NBPF26: variants seen among roughly 807,000 people sequenced by gnomAD.
NBPF26 encodes the protein NBPF family member NBPF26.
In NBPF26, 79 loss-of-function variants were observed where a neutral mutation model predicts 119.6. The observed-to-expected ratio is 0.66, with a 90% CI of 0.55 to 0.80. NBPF26 has a LOEUF of 0.80. NBPF26 is among the 30% of genes least tolerant of loss of function. The probability of loss-of-function intolerance (pLI) is 0.00; values close to 1 mark genes in which losing one functional copy is unlikely to be tolerated. For synonymous variants in NBPF26, 299 were observed against 457.7 expected (o/e 0.65, Z 4.43); for missense variants, 800 against 1,198.2 (o/e 0.67, Z 4.91).
Position 120,755,933 on chromosome 1 carries a change from CTTT to C in NBPF26, c.74-7675_74-7673del, listed in dbSNP as rs1168463033. ...AACAAAATCGATTTATCTCTTATTG[CTTT>C]TTTTTTTTTTTTTTTTTTTCCTTTC... On this transcript the variant is annotated intron_variant, in intron 1 of 29. Transcript: ENST00000620612. Among the ~76,000 whole-genome samples the C allele has an allele frequency of 8.0e-5, 7 of 87,300 alleles. 2 individuals carry two copies. The highest frequency in any genetic ancestry group is 4.6e-4 in the African/African-American group (6 of 13,118). The allele number at this position is 87,300 out of a possible 152,430, so 57.3% of individuals were successfully genotyped here.
rs1175961691 is a variant in NBPF26 at position 120,790,379 on chromosome 1, G to A, written c.416-2782G>A. 1.5e-4 allele frequency among the ~76,000 whole-genome samples: 17 copies of A among 114,372 alleles called. 4 individuals carry two copies. The Middle Eastern group carries it at 0.012, about 79-fold the overall frequency. 75.0% of individuals were successfully genotyped at this position (114,372 alleles called of 152,430 possible). A position where few individuals can be genotyped will look rare whatever the true frequency, so the allele number is the denominator to read the frequency against. Reference sequence around the variant, plus strand: ...CACTTTAGGAATCATCACAGATCAAGGTCATCCTTTTGGTTTTTGTGATAG... The same window carrying A: ...CACTTTAGGAATCATCACAGATCAAAGTCATCCTTTTGGTTTTTGTGATAG... On this transcript the variant is annotated intron_variant, in intron 3 of 29. Coordinates refer to ENST00000620612, the Ensembl canonical transcript of NBPF26.
Position 120,735,312 on chromosome 1 carries a change from G to A in NBPF26, c.73+11062G>A, listed in dbSNP as rs1412869200. On this transcript the variant is annotated intron_variant, in intron 1 of 29. Transcript: ENST00000620612. ...ACTCCTGACCTCAGTTGATCTGCCC[G>A]CCTCAGCCTCCCAAAGTGCTGGGAT... Among the ~76,000 whole-genome samples, 6 of 71,434 alleles carry A rather than the reference G, an allele frequency of 8.4e-5. 1 individual carries two copies. The highest frequency in any genetic ancestry group is 3.2e-4 in the East Asian group (1 of 3,112). 46.9% of individuals were successfully genotyped at this position (71,434 alleles called of 152,430 possible). A position where few individuals can be genotyped will look rare whatever the true frequency, so the allele number is the denominator to read the frequency against.
At position 120,763,722 on chromosome 1, in the gene NBPF26, C is replaced by T; in HGVS notation, c.155+13C>T. 1.7e-6 allele frequency: 2 copies of T among 1,195,574 alleles called. 1 individual carries two copies. Among genetic ancestry groups the T allele is most frequent in the South Asian group, 2.6e-5 (2 of 78,072 alleles). The allele number at this position is 1,195,574 out of a possible 1,614,324, so 74.1% of individuals were successfully genotyped here. On this transcript the variant is annotated intron_variant, in intron 2 of 29. Transcript: ENST00000620612. The stretch of plus-strand genomic sequence containing the variant: ...CAGGATACTGCAAGTAAGTTTTTCT[C>T]TTCATATATTTTCTTTTTGCGATAG...
rs1175489475 is a variant in NBPF26, at chr1:120,778,482, G to T, written c.156-6492G>T. Among the ~76,000 whole-genome samples, 4 of 104,066 alleles carry T rather than the reference G, an allele frequency of 3.8e-5. No individual in the cohort carries two copies. In the East Asian group the frequency reaches 9.1e-4, roughly 24 times the overall value. The allele number at this position is 104,066 out of a possible 152,430, so 68.3% of individuals were successfully genotyped here. On this transcript the variant is annotated intron_variant, in intron 2 of 29. Transcript: ENST00000620612. ...TCCCCTTCGTTCCACATTCTGTATA[G>T]TTTTTTTAAAAATCATGATTTTGAA...
At position 120,764,178 on chromosome 1, in the gene NBPF26, C is replaced by T. The variant is rs1276986062; in HGVS notation, c.155+469C>T. Among the ~76,000 whole-genome samples the T allele has an allele frequency of 3.1e-4, 35 of 113,944 alleles. 9 individuals are homozygous for T. Among genetic ancestry groups the T allele is most frequent in the Middle Eastern group, 3.8e-3 (1 of 262 alleles). The allele number at this position is 113,944 out of a possible 152,430, so 74.8% of individuals were successfully genotyped here. On this transcript the variant is annotated intron_variant, in intron 2 of 29. Coordinates refer to ENST00000620612, the Ensembl canonical transcript of NBPF26. ...AGGAGAGTGACTTGAACCCAGGAGG[C>T]GGAGGTTGCAGTGAGCTGAGACCAC...
At position 120,724,192 on chromosome 1, in the gene NBPF26, T is replaced by C. The variant is rs1380684884; in HGVS notation, c.15T>C (p.Arg5=). The C allele has an allele frequency of 3.4e-4, 482 of 1,397,606 alleles. 104 individuals are homozygous for C. Among genetic ancestry groups the C allele is most frequent in the South Asian group, 1.7e-3 (132 of 78,418 alleles). 86.6% of individuals were successfully genotyped at this position (1,397,606 alleles called of 1,614,324 possible). The change falls in exon 1 of 30, where the codon CGT becomes CGC. Residue 5 remains arginine (R), a synonymous_variant. Coordinates refer to ENST00000620612, the Ensembl canonical transcript of NBPF26. The stretch of plus-strand genomic sequence containing the variant: ...CGACCGAGAAGATGCCCGCCCTGCG[T>C]CCCGCTCTGCTGTGGGCGCTGCTGG...
intron 1 of NBPF26, among the ~76,000 whole-genome samples, chr1:120,760,180 C>T (rs1319217992): frequency 1.3e-4 from 2 of 15,170 alleles, no homozygotes; most frequent in Non-Finnish European, 1.3e-4. Flanking sequence ...TCTACCACAG[C>T]TTTTTTTTTT....
rs1257111542 is a variant in NBPF26, at chr1:120,792,571, G to A, written c.416-590G>A. Among the ~76,000 whole-genome samples, 3 of 109,760 alleles carry A rather than the reference G, an allele frequency of 2.7e-5. 1 individual carries two copies. The highest frequency in any genetic ancestry group is 1.5e-4 in the African/African-American group (3 of 19,536). The allele number at this position is 109,760 out of a possible 152,430, so 72.0% of individuals were successfully genotyped here. On this transcript the variant is annotated intron_variant, in intron 3 of 29. Coordinates refer to ENST00000620612, the Ensembl canonical transcript of NBPF26. ...GGCTGGAGTGCAGTGGTACAATCTC[G>A]GCTCACTGCAACCTCCGCCTCCTGG... is the stretch of plus-strand genomic sequence containing the variant.
intron 2 of NBPF26, among the ~76,000 whole-genome samples, chr1:120,784,630 C>T: frequency 8.4e-6 from 1 of 118,752 alleles, no homozygotes. Context: ...ACACCCTCAT[C>T]CCCAGTTCCA....
At chr1:120,820,783 C>T (rs1449580337) in intron 15 of NBPF26, among the ~76,000 whole-genome samples, 1 of 180 alleles carries the variant, frequency 5.6e-3, no homozygotes, top group African/African-American at 0.083. Flanking sequence ...GCCTTCCTTG[C>T]TAGGTTGGGG....
intron 10 of NBPF26, among the ~76,000 whole-genome samples, chr1:120,812,858 G>T (rs1312309144): frequency 9.1e-6 from 1 of 109,990 alleles, no homozygotes; most frequent in African/African-American, 5.2e-5. Context: ...AGGAGGCTGA[G>T]GTTGCAGTGA....
Position 120,802,632 on chromosome 1 carries a change from T to G in NBPF26, c.752-2924T>G, listed in dbSNP as rs1220029399. On this transcript the variant is annotated intron_variant, in intron 4 of 29. Coordinates refer to ENST00000620612, the Ensembl canonical transcript of NBPF26. Reference sequence around the variant, plus strand: ...GCACAGCAACATGGCCAATCTTTCCTAAGCTGCTCAGCTTACAAGAAAAGG... The same window carrying G: ...GCACAGCAACATGGCCAATCTTTCCGAAGCTGCTCAGCTTACAAGAAAAGG... Among the ~76,000 whole-genome samples, 8 of 119,428 alleles carry G rather than the reference T, an allele frequency of 6.7e-5. 3 individuals carry two copies. Among genetic ancestry groups the G allele is most frequent in the Admixed American group, 6.4e-4 (8 of 12,598 alleles). The allele number at this position is 119,428 out of a possible 152,430, so 78.3% of individuals were successfully genotyped here.
intron 1 of NBPF26, among the ~76,000 whole-genome samples, chr1:120,728,585 A>G (rs1456120871): frequency 8.5e-6 from 1 of 117,178 alleles, no homozygotes; most frequent in East Asian, 2.1e-4. Flanking sequence ...TTCCTGTATT[A>G]CTGTATTACT....
In NBPF26 at chr1:120,812,005, G is replaced by A. The variant is rs1651881440; in HGVS notation, c.1684G>A (p.Ala562Thr). The stretch of plus-strand genomic sequence containing the variant: ...CAATGAGAAATTGCGCCCCCAGCTG[G>A]CAGAGAAGAAACAGCAGTTCAGAAA... The change falls in exon 10 of 30, where the codon GCA (alanine) becomes ACA (threonine). Residue 562 changes from alanine (A) to threonine (T), a missense_variant. Around this residue, in one of 13 missense-constraint regions of NBPF26, gnomAD observed 72 missense variants for 81.1 expected, o/e 0.89. Transcript: ENST00000620612. The A allele has an allele frequency of 3.0e-5, 38 of 1,287,408 alleles. 8 individuals are homozygous for A. Among genetic ancestry groups the A allele is most frequent in the South Asian group, 2.3e-4 (18 of 79,566 alleles). The allele number at this position is 1,287,408 out of a possible 1,614,324, so 79.7% of individuals were successfully genotyped here.
chr1:120,823,680 T>G (rs1273366762), intron 17 of NBPF26, among the ~76,000 whole-genome samples: 2 of 122,012 alleles, frequency 1.6e-5, no homozygotes, highest in Non-Finnish European at 3.3e-5. Context: ...CTGTGTGTCC[T>G]GAGAGCACAA....
At chr1:120,789,667 C>G (rs1651462053) in intron 3 of NBPF26, among the ~76,000 whole-genome samples, 1 of 68,066 alleles carries the variant, frequency 1.5e-5, no homozygotes, top group Non-Finnish European at 2.5e-5. Context: ...GGGACACTAC[C>G]AAACCATATC....
In NBPF26 at chr1:120,823,833, A is replaced by T. The variant is rs1652192347; in HGVS notation, c.2640-141A>T. The stretch of plus-strand genomic sequence containing the variant: ...CCTGGCCCTGTTCTATCCCAACATA[A>T]AGGCAATAATCTGTTACCTCATTAA... On this transcript the variant is annotated intron_variant, in intron 17 of 29. Coordinates refer to ENST00000620612, the Ensembl canonical transcript of NBPF26. The T allele has an allele frequency of 1.1e-4, 65 of 569,410 alleles. 12 individuals carry two copies. Among genetic ancestry groups the T allele is most frequent in the South Asian group, 1.1e-3 (64 of 58,156 alleles). The allele number at this position is 569,410 out of a possible 1,614,324, so 35.3% of individuals were successfully genotyped here.
chr1:120,724,207 G>A lies in NBPF26; in HGVS notation c.30G>A (p.Trp10Ter), dbSNP rs1486393821. The A allele has an allele frequency of 1.0e-5, 14 of 1,405,666 alleles. 4 individuals carry two copies. Among genetic ancestry groups the A allele is most frequent in the Admixed American group, 8.2e-5 (4 of 48,612 alleles). The allele number at this position is 1,405,666 out of a possible 1,614,324, so 87.1% of individuals were successfully genotyped here. The change falls in exon 1 of 30, where the codon TGG becomes TGA. Residue 10 changes from tryptophan (W) to a stop codon, truncating the protein, a stop_gained. Transcript: ENST00000620612. LOFTEE classifies it high-confidence loss of function. The stretch of plus-strand genomic sequence containing the variant: ...CCGCCCTGCGTCCCGCTCTGCTGTG[G>A]GCGCTGCTGGCGCTCTGGCTGTGCT...
In NBPF26 at chr1:120,793,405, A is replaced by C. The variant is rs1256689686; in HGVS notation, c.660A>C (p.Arg220Ser). Residue 220 changes from arginine to serine, a missense_variant, in exon 4 of 30, where the codon AGA (arginine) becomes AGC (serine). Arg to Ser is a moderately radical substitution (Grantham distance 110, BLOSUM62 -1). Transcript: ENST00000620612. ...GCTTCACAGGCCAGTACTGTGACAGACTGTATGTGCCCTGTGCACACTCGC... is the reference window on the plus strand; with the variant it reads ...GCTTCACAGGCCAGTACTGTGACAGCCTGTATGTGCCCTGTGCACACTCGC... The C allele has an allele frequency of 1.8e-3, 2,639 of 1,437,494 alleles. 441 individuals carry two copies. Among genetic ancestry groups the C allele is most frequent in the Non-Finnish European group, 2.2e-3 (2,349 of 1,074,820 alleles). The allele number at this position is 1,437,494 out of a possible 1,614,324, so 89.0% of individuals were successfully genotyped here.
Sources: gnomAD v4.1 joint callset for allele counts (sites outside exome capture counted in the v4.1 genomes callset) on GRCh38, gnomAD v4.1.1 for gene constraint, gnomAD v4.1.1 regional missense constraint, MANE v1.5 for transcripts, NCBI Gene and HGNC (gene_info 2026-07-23, HGNC 2026-07-21) for gene names.